Variants in TRAPPC9 observed in about 807,000 individuals in gnomAD.
TRAPPC9 encodes the protein IKK2 binding protein.
In TRAPPC9, 83 loss-of-function variants were observed where a neutral mutation model predicts 124.0. The observed-to-expected ratio is 0.67, with a 90% confidence interval of 0.56 to 0.80. TRAPPC9 has a LOEUF of 0.80. Ranked by LOEUF, TRAPPC9 falls within the 30% of genes least tolerant of loss-of-function variation. The pLI is 0.00. For synonymous variants in TRAPPC9, 638 were observed against 617.5 expected, an observed-to-expected ratio of 1.03 and a Z score of -0.49; for missense variants, 1,302 against 1,508.3, an observed-to-expected ratio of 0.86 and a Z score of 2.27.
intron 17 of TRAPPC9, among the ~76,000 whole-genome samples, chr8:140,057,898 A>G (rs533166482): frequency 1.3e-5 from 2 of 152,332 alleles, no homozygotes; most frequent in African/African-American, 4.8e-5. Flanking sequence ...CCAGCGTCTG[A>G]TCCAGGATGA....
Position 140,347,873 on chromosome 8 carries a change from C to A in TRAPPC9, c.1495+12177G>T, listed in dbSNP as rs996870477. Reference sequence around the variant, plus strand: ...CATAATTTTCCAGGTGGTACTTCTTCCTTTTCCATAAGTCCTCTGGTCAAA... The same window carrying A: ...CATAATTTTCCAGGTGGTACTTCTTACTTTTCCATAAGTCCTCTGGTCAAA... On this transcript the variant is annotated intron_variant, in intron 9 of 22. Coordinates refer to ENST00000438773, the MANE Select transcript of TRAPPC9 (RefSeq NM_001160372.4). 1.4e-4 allele frequency among the ~76,000 whole-genome samples: 21 copies of A among 152,226 alleles called. No individual in the cohort carries two copies. In the South Asian group the frequency reaches 1.7e-3, roughly 12 times the overall value.
intron 19 of TRAPPC9, among the ~76,000 whole-genome samples, chr8:139,949,566 AAAGG>A (rs1437394923): frequency 6.6e-6 from 1 of 152,232 alleles, no homozygotes; most frequent in Non-Finnish European, 1.5e-5. Context: ...TTAGCAGTAA[AAAGG>A]AAGGAAGTAT....
intron 17 of TRAPPC9, among the ~76,000 whole-genome samples, chr8:140,062,020 G>A (rs147216485): frequency 6.6e-6 from 1 of 152,290 alleles, no homozygotes; most frequent in Non-Finnish European, 1.5e-5. Context: ...CCTCGCAGGT[G>A]TGCGCACACT....
At chr8:140,180,181 G>C (rs1185147661) in intron 17 of TRAPPC9, among the ~76,000 whole-genome samples, 3 of 149,956 alleles carry the variant, frequency 2.0e-5, no homozygotes, top group East Asian at 3.9e-4. Flanking sequence ...GAATTTTTTA[G>C]GATTCTATTT....
At chr8:140,192,734 A>G (rs2062527249) in intron 17 of TRAPPC9, among the ~76,000 whole-genome samples, 2 of 152,190 alleles carry the variant, frequency 1.3e-5, no homozygotes, top group African/African-American at 4.8e-5. Flanking sequence ...GCCACTATTT[A>G]TTGGATATTT....
At chr8:140,076,091 A>G (rs188554658) in intron 17 of TRAPPC9, among the ~76,000 whole-genome samples, 2 of 152,306 alleles carry the variant, frequency 1.3e-5, no homozygotes, top group Non-Finnish European at 2.9e-5. Context: ...CACGATCCCC[A>G]TTTTACAGGT....
At chr8:140,062,960 T>G (rs998468531) in intron 17 of TRAPPC9, among the ~76,000 whole-genome samples, 11 of 151,714 alleles carry the variant, frequency 7.3e-5, no homozygotes, top group Non-Finnish European at 1.6e-4. Context: ...TAATTGAGAG[T>G]TTAGCATGCC....
intron 17 of TRAPPC9, among the ~76,000 whole-genome samples, chr8:140,157,457 T>C (rs1157434776): frequency 6.6e-6 from 1 of 152,188 alleles, no homozygotes; most frequent in Non-Finnish European, 1.5e-5. Flanking sequence ...GAGGAACCAA[T>C]CCACCCTCAA....
chr8:140,243,338 A>C (rs552151093), intron 16 of TRAPPC9, among the ~76,000 whole-genome samples: 8 of 152,208 alleles, frequency 5.3e-5, no homozygotes, highest in African/African-American at 1.9e-4. Flanking sequence ...ATCCCAGAGG[A>C]AAGAGGGGAA....
At position 139,729,263 on chromosome 8, in the gene TRAPPC9, AG is replaced by A. The variant is rs1817690064; in HGVS notation, c.*1797del. Among the ~76,000 whole-genome samples, 1 of 152,248 alleles carries A rather than the reference AG, an allele frequency of 6.6e-6. No individual in the cohort carries two copies. The stretch of plus-strand genomic sequence containing the variant: ...AATTTGGGGGGACATTGTCTACACA[AG>A]TGAGGTTGGGCTGAGCCCATCATCC... On this transcript the variant is annotated 3_prime_UTR_variant, in exon 23 of 23. Coordinates refer to ENST00000438773, the MANE Select transcript of TRAPPC9 (RefSeq NM_001160372.4).
intron 7 of TRAPPC9, among the ~76,000 whole-genome samples, chr8:140,382,605 G>T (rs1284542402): frequency 6.6e-6 from 1 of 152,236 alleles, no homozygotes; most frequent in Non-Finnish European, 1.5e-5. Flanking sequence ...TGGCAGTGAG[G>T]CTGGGGGGAG....
At chr8:140,292,574 C>T (rs890868081) in intron 11 of TRAPPC9, among the ~76,000 whole-genome samples, 4 of 152,212 alleles carry the variant, frequency 2.6e-5, no homozygotes, top group African/African-American at 9.6e-5. Flanking sequence ...GACTCCACCA[C>T]ACCTATGACA....
At chr8:139,989,573 G>T (rs530343955) in intron 18 of TRAPPC9, among the ~76,000 whole-genome samples, 1 of 152,314 alleles carries the variant, frequency 6.6e-6, no homozygotes, top group Admixed American at 6.5e-5. Context: ...AAGGCTTTTA[G>T]CCTTCCGCCT....
At chr8:139,937,980 AGAGTTCTCCTTGTGG>A (rs6150858) in intron 19 of TRAPPC9, among the ~76,000 whole-genome samples, 46,809 of 152,018 alleles carry the variant, frequency 0.31, 8,751 homozygotes, top group African/African-American at 0.52. Context: ...ATTTGAAAAC[AGAGTTCTCCTTGTGG>A]GAGATCAACT....
chr8:140,007,595 T>G lies in TRAPPC9; in HGVS notation c.2699+16342A>C, dbSNP rs145508288. ...AAAATGCAAGAATTCCAAACATAAG[T>G]TTGAAAAGAAACTCTGACTAATTGA... On this transcript the variant is annotated intron_variant, in intron 18 of 22. Transcript: ENST00000438773. 6.1e-3 allele frequency among the ~76,000 whole-genome samples: 930 copies of G among 152,214 alleles called. 7 individuals carry two copies. Among genetic ancestry groups the G allele is most frequent in the African/African-American group, 0.019 (775 of 41,528 alleles).
At chr8:140,264,406 C>A (rs981584033) in intron 15 of TRAPPC9, among the ~76,000 whole-genome samples, 3 of 152,098 alleles carry the variant, frequency 2.0e-5, no homozygotes, top group Admixed American at 6.5e-5. Flanking sequence ...TATGAGCAGG[C>A]CTTATGCTGA....
At chr8:140,155,563 C>T (rs766179084) in intron 17 of TRAPPC9, among the ~76,000 whole-genome samples, 3 of 152,140 alleles carry the variant, frequency 2.0e-5, no homozygotes, top group Admixed American at 1.3e-4. Context: ...ATCACACAGG[C>T]GATCATGCAG....
At chr8:140,329,403 C>T (rs2066834663) in intron 9 of TRAPPC9, among the ~76,000 whole-genome samples, 1 of 152,162 alleles carries the variant, frequency 6.6e-6, no homozygotes, top group Non-Finnish European at 1.5e-5. Flanking sequence ...GGGACAGGAG[C>T]AGACAAAGCG....
At chr8:139,917,417 T>G (rs1832223806) in intron 19 of TRAPPC9, among the ~76,000 whole-genome samples, 1 of 152,118 alleles carries the variant, frequency 6.6e-6, no homozygotes, top group African/African-American at 2.4e-5. Context: ...CCTGACCTTG[T>G]GATCTGCCTG....
Sources: allele counts gnomAD v4.1 joint callset (sites outside exome capture counted in the v4.1 genomes callset), GRCh38; gene constraint gnomAD v4.1.1; transcripts MANE v1.5; gene names NCBI Gene and HGNC (gene_info 2026-07-23, HGNC 2026-07-21).